FCHSD2: variants seen among roughly 807,000 people sequenced by gnomAD.
FCHSD2 encodes F-BAR and double SH3 domains protein 2.
FCHSD2 carries 38 observed loss-of-function variants against 108.1 expected under a neutral mutation model. That is an observed-to-expected ratio of 0.35 (90% CI 0.27 to 0.46). The LOEUF is 0.46. FCHSD2 is among the 20% of genes least tolerant of loss of function. FCHSD2 has a pLI of 1.00. For synonymous variants in FCHSD2, 279 were observed against 314.7 expected, an observed-to-expected ratio of 0.89 and a Z score of 1.20; for missense variants, 751 against 897.8, an observed-to-expected ratio of 0.84 and a Z score of 2.09.
At chr11:72,932,654 C>T (rs1371979600) in intron 8 of FCHSD2, among the ~76,000 whole-genome samples, 1 of 152,196 alleles carries the variant, frequency 6.6e-6, no homozygotes, top group Non-Finnish European at 1.5e-5. Context: ...TAATCATCTA[C>T]TTGGATATCT....
At chr11:72,872,491 C>T (rs1448254973) in intron 12 of FCHSD2, among the ~76,000 whole-genome samples, 3 of 152,110 alleles carry the variant, frequency 2.0e-5, no homozygotes, top group Non-Finnish European at 4.4e-5. Context: ...ATTCTACTTT[C>T]TGTCTATAAA....
intron 3 of FCHSD2, among the ~76,000 whole-genome samples, chr11:73,081,514 A>G (rs1859685574): frequency 6.6e-6 from 1 of 152,078 alleles, no homozygotes; most frequent in Non-Finnish European, 1.5e-5. Flanking sequence ...TTTTTAAAGC[A>G]TATCATAGAC....
At chr11:72,900,290 G>C (rs187499384) in intron 10 of FCHSD2, 2 of 1,550,094 alleles carry the variant, frequency 1.3e-6, no homozygotes, top group Non-Finnish European at 1.7e-6. Context: ...CACTGACAGG[G>C]GAGAGCTCAA....
chr11:73,020,018 T>C (rs1858063349), intron 3 of FCHSD2, among the ~76,000 whole-genome samples: 2 of 152,238 alleles, frequency 1.3e-5, no homozygotes, highest in Admixed American at 1.3e-4. Context: ...TAAGCATCAC[T>C]GATGCATAAT....
chr11:73,051,051 C>T (rs1018580752), intron 3 of FCHSD2, among the ~76,000 whole-genome samples: 2 of 152,222 alleles, frequency 1.3e-5, no homozygotes, highest in African/African-American at 4.8e-5. Context: ...CACAGTGGCT[C>T]ATGCCTGTAA....
At chr11:73,013,058 A>G (rs7105776) in intron 4 of FCHSD2, among the ~76,000 whole-genome samples, 149,544 of 152,300 alleles carry the variant, frequency 0.98, 73,580 homozygotes, top group Middle Eastern at 1. Context: ...AGATGATAAT[A>G]TGATTCCTCT....
At chr11:72,869,325 T>A (rs180826664) in intron 12 of FCHSD2, among the ~76,000 whole-genome samples, 28 of 152,194 alleles carry the variant, frequency 1.8e-4, no homozygotes, top group African/African-American at 6.5e-4. Context: ...AATCTTGATA[T>A]TCACTAGCAA....
rs1008126522 is a variant in FCHSD2, at chr11:73,021,305, C to A, written c.166-5420G>T. Among the ~76,000 whole-genome samples the A allele has an allele frequency of 3.3e-5, 5 of 150,220 alleles. No homozygotes were observed. In the East Asian group the frequency reaches 9.7e-4, roughly 29 times the overall value. ...AGCAATAGCAAAGACATGGAATCGACCTAAATGGCCATCAATGGTAAAGTG... is the reference window on the plus strand; with the variant it reads ...AGCAATAGCAAAGACATGGAATCGAACTAAATGGCCATCAATGGTAAAGTG... On this transcript the variant is annotated intron_variant, in intron 3 of 19. Coordinates refer to ENST00000409418, the MANE Select transcript of FCHSD2 (RefSeq NM_014824.3).
chr11:72,940,789 C>T, intron 8 of FCHSD2: 1 of 848,070 alleles, frequency 1.2e-6, no homozygotes, highest in Non-Finnish European at 2.0e-6. Flanking sequence ...TGCCTGAAGC[C>T]TTCAGTGCGT....
intron 3 of FCHSD2, among the ~76,000 whole-genome samples, chr11:73,033,290 A>G (rs1325417209): frequency 2.0e-5 from 3 of 151,316 alleles, no homozygotes; most frequent in Non-Finnish European, 4.4e-5. Flanking sequence ...TCCGACTCAA[A>G]AAAAAAAAAA....
chr11:72,988,089 T>C (rs1248382529), intron 6 of FCHSD2, among the ~76,000 whole-genome samples: 2 of 152,206 alleles, frequency 1.3e-5, no homozygotes. Context: ...TTCTTGTGAA[T>C]AAAAACTGTA....
At chr11:72,985,543 G>A (rs1464400260) in intron 6 of FCHSD2, among the ~76,000 whole-genome samples, 1 of 152,182 alleles carries the variant, frequency 6.6e-6, no homozygotes, top group Non-Finnish European at 1.5e-5. Flanking sequence ...CAAACTTTCA[G>A]GGCTGTGTGT....
chr11:73,050,885 T>TA (rs1858883348), intron 3 of FCHSD2, among the ~76,000 whole-genome samples: 1 of 152,240 alleles, frequency 6.6e-6, no homozygotes, highest in African/African-American at 2.4e-5. Flanking sequence ...GGCCTTCTAT[T>TA]AGTCTCTAGA....
intron 3 of FCHSD2, among the ~76,000 whole-genome samples, chr11:73,056,073 A>G (rs1184665478): frequency 6.6e-6 from 1 of 152,072 alleles, no homozygotes; most frequent in African/African-American, 2.4e-5. Flanking sequence ...AAAAAACTAA[A>G]CTCATTCTCT....
chr11:72,972,007 T>G (rs906484088), intron 8 of FCHSD2, among the ~76,000 whole-genome samples: 1 of 152,198 alleles, frequency 6.6e-6, no homozygotes, highest in African/African-American at 2.4e-5. Flanking sequence ...ACCAACCCTA[T>G]TTTAAAATAG....
At chr11:73,096,054 T>C (rs1860066425) in intron 2 of FCHSD2, among the ~76,000 whole-genome samples, 1 of 151,704 alleles carries the variant, frequency 6.6e-6, no homozygotes, top group Non-Finnish European at 1.5e-5. Context: ...AAAAACCTTC[T>C]CATTCAAAAA....
chr11:72,964,544 G>A (rs1399028630), intron 8 of FCHSD2, among the ~76,000 whole-genome samples: 1 of 152,080 alleles, frequency 6.6e-6, no homozygotes, highest in Non-Finnish European at 1.5e-5. Context: ...TGTTTTTGTT[G>A]CCTTTTCGTC....
chr11:72,883,931 CAA>C (rs34998210), intron 12 of FCHSD2, among the ~76,000 whole-genome samples: 47 of 74,514 alleles, frequency 6.3e-4, no homozygotes, highest in Admixed American at 6.6e-4. Context: ...GACCGTGTCT[CAA>C]AAAAAAAAAA....
rs1171135585 is a variant in FCHSD2 at position 72,991,821 on chromosome 11, C to A, written c.388-2724G>T. Among the ~76,000 whole-genome samples, 7 of 152,198 alleles carry A rather than the reference C, an allele frequency of 4.6e-5. No homozygotes were observed. In the South Asian group the frequency reaches 8.3e-4, roughly 18 times the overall value. Reference sequence around the variant, plus strand: ...CCAATATCATACTGAATGGGCAAAACCTGGAAGCACTCCCTTTGAAAACTG... The same window carrying A: ...CCAATATCATACTGAATGGGCAAAAACTGGAAGCACTCCCTTTGAAAACTG... On this transcript the variant is annotated intron_variant, in intron 5 of 19. Transcript: ENST00000409418.
Sources: gnomAD v4.1 joint callset for allele counts (sites outside exome capture counted in the v4.1 genomes callset) on GRCh38, gnomAD v4.1.1 for gene constraint, MANE v1.5 for transcripts, NCBI Gene and HGNC (gene_info 2026-07-23, HGNC 2026-07-21) for gene names.